Variants in RIMS2 observed in about 807,000 individuals in gnomAD.
The protein encoded by RIMS2 is regulating synaptic membrane exocytosis 2, also known as regulating synaptic membrane exocytosis protein 2.
In RIMS2, 59 loss-of-function variants were observed where a neutral mutation model predicts 174.4. The observed-to-expected ratio is 0.34, with a 90% CI of 0.27 to 0.42. The LOEUF (loss-of-function observed/expected upper bound fraction) is 0.42. Among genes scored for constraint, RIMS2 ranks in the 10% least tolerant of loss-of-function variants. The pLI, the probability that RIMS2 is intolerant of heterozygous loss-of-function variation, is 1.00. For synonymous variants in RIMS2, 606 were observed against 572.5 expected (o/e 1.06, Z -0.84); for missense variants, 1,620 against 1,666.3 (o/e 0.97, Z 0.48).
chr8:103,642,486 CTTA>C (rs1171890200), intron 1 of RIMS2, among the ~76,000 whole-genome samples: 1 of 151,918 alleles, frequency 6.6e-6, no homozygotes, highest in African/African-American at 2.4e-5. Flanking sequence ...TTATTTTATC[CTTA>C]TTTTTTCCTT....
At chr8:103,506,482 C>T (rs1360781511) in intron 1 of RIMS2, among the ~76,000 whole-genome samples, 1 of 152,002 alleles carries the variant, frequency 6.6e-6, no homozygotes, top group Non-Finnish European at 1.5e-5. Context: ...TGAGTAATAA[C>T]ACCTATTTTG....
chr8:104,157,023 T>G (rs978835762), intron 19 of RIMS2, among the ~76,000 whole-genome samples: 8 of 152,340 alleles, frequency 5.3e-5, no homozygotes, highest in Non-Finnish European at 8.8e-5. Flanking sequence ...TAATGTAGGA[T>G]TCTAACAATG....
intron 1 of RIMS2, among the ~76,000 whole-genome samples, chr8:103,636,307 T>C (rs1359049459): frequency 6.6e-6 from 1 of 152,170 alleles, no homozygotes; most frequent in African/African-American, 2.4e-5. Context: ...CCTCCCAGTT[T>C]GCTGGAACTG....
At chr8:104,255,688 T>C (rs2099366652), downstream of RIMS2, 2 of 152,208 alleles carry the variant, frequency 1.3e-5, no homozygotes, top group African/African-American at 4.8e-5. Flanking sequence ...AACCTTGACA[T>C]TCTGTGCACG....
chr8:103,847,271 A>G (rs1221315236), intron 3 of RIMS2, among the ~76,000 whole-genome samples: 1 of 152,046 alleles, frequency 6.6e-6, no homozygotes, highest in African/African-American at 2.4e-5. Flanking sequence ...TGTGAATTCT[A>G]CGTATCGGGG....
At chr8:104,226,571 G>A (rs2099189315) in intron 19 of RIMS2, among the ~76,000 whole-genome samples, 1 of 152,292 alleles carries the variant, frequency 6.6e-6, no homozygotes, top group East Asian at 1.9e-4. Context: ...TCAGCCTAAC[G>A]GAGATAAGTA....
chr8:103,721,209 A>G (rs2097443238), intron 2 of RIMS2, among the ~76,000 whole-genome samples: 1 of 152,086 alleles, frequency 6.6e-6, no homozygotes, highest in African/African-American at 2.4e-5. Context: ...AGCCATGTTT[A>G]TATGTTTTCT....
At chr8:103,532,786 A>G (rs1426736335) in intron 1 of RIMS2, among the ~76,000 whole-genome samples, 1 of 152,260 alleles carries the variant, frequency 6.6e-6, no homozygotes, top group African/African-American at 2.4e-5. Context: ...TAGCTGTACT[A>G]TGACATTTAG....
intron 4 of RIMS2, among the ~76,000 whole-genome samples, chr8:103,892,797 A>T (rs2154521946): frequency 1.3e-5 from 2 of 152,156 alleles, no homozygotes; most frequent in Admixed American, 1.3e-4. Context: ...GCCATGAGCC[A>T]CTGCACCTGG....
chr8:103,630,226 C>G (rs1275073275), intron 1 of RIMS2, among the ~76,000 whole-genome samples: 2 of 150,340 alleles, frequency 1.3e-5, no homozygotes, highest in Non-Finnish European at 3.0e-5. Context: ...ACTAGAAGAA[C>G]AATAGCAGAT....
intron 19 of RIMS2, among the ~76,000 whole-genome samples, chr8:104,190,973 G>A (rs1273512718): frequency 6.7e-6 from 1 of 148,632 alleles, no homozygotes; most frequent in Non-Finnish European, 1.5e-5. Flanking sequence ...TTCTTCTGAT[G>A]TGGGAAGCAG....
At chr8:104,084,471 T>C (rs1440335258) in intron 19 of RIMS2, among the ~76,000 whole-genome samples, 2 of 146,782 alleles carry the variant, frequency 1.4e-5, no homozygotes, top group East Asian at 4.1e-4. Flanking sequence ...AGTAGAATAG[T>C]TTCAAGAATG....
At chr8:104,147,841 C>A (rs2879855) in intron 19 of RIMS2, among the ~76,000 whole-genome samples, 40,583 of 152,076 alleles carry the variant, frequency 0.27, 5,534 homozygotes, top group Non-Finnish European at 0.3. Flanking sequence ...TCTTTAATTA[C>A]TCCCAGTTGC....
In RIMS2 at chr8:103,819,492, A is replaced by C. The variant is rs773910505; in HGVS notation, c.698+52955A>C. On this transcript the variant is annotated intron_variant, in intron 3 of 23. Coordinates refer to ENST00000504942, the Ensembl canonical transcript of RIMS2. ...GGTAGGGAAAAATAAGAGAAGGGGA[A>C]AAAAAAAGAAAGAAAATGCAATTTG... 5.6e-6 allele frequency: 9 copies of C among 1,611,116 alleles called. No homozygotes were observed. In the South Asian group the frequency reaches 9.9e-5, roughly 18 times the overall value.
At chr8:104,088,256 C>CTAT (rs1320650059) in intron 19 of RIMS2, among the ~76,000 whole-genome samples, 1 of 152,010 alleles carries the variant, frequency 6.6e-6, no homozygotes, top group Non-Finnish European at 1.5e-5. Flanking sequence ...AGAGCAACAA[C>CTAT]TATTTTCTTT....
At chr8:103,696,556 G>T (rs967095377) in intron 1 of RIMS2, among the ~76,000 whole-genome samples, 1 of 151,880 alleles carries the variant, frequency 6.6e-6, no homozygotes, top group African/African-American at 2.4e-5. Context: ...ATATTAATTG[G>T]TTATTTAATA....
intron 1 of RIMS2, among the ~76,000 whole-genome samples, chr8:103,660,787 A>G (rs1270374748): frequency 6.6e-6 from 1 of 152,220 alleles, no homozygotes; most frequent in African/African-American, 2.4e-5. Flanking sequence ...GGATAAGTAA[A>G]TAAACTTTTA....
intron 2 of RIMS2, among the ~76,000 whole-genome samples, chr8:103,728,795 A>G (rs2097557426): frequency 8.8e-6 from 1 of 113,706 alleles, no homozygotes; most frequent in African/African-American, 3.4e-5. Flanking sequence ...GGAATGGTGA[A>G]TTTTCTCATT....
At chr8:104,240,216 C>A (rs1166202583) in intron 19 of RIMS2, among the ~76,000 whole-genome samples, 3 of 152,168 alleles carry the variant, frequency 2.0e-5, no homozygotes, top group Non-Finnish European at 2.9e-5. Context: ...TGATTAGTAT[C>A]CTTAATTACA....
Sources: allele counts gnomAD v4.1 joint callset (sites outside exome capture counted in the v4.1 genomes callset), GRCh38; gene constraint gnomAD v4.1.1; transcripts MANE v1.5; gene names NCBI Gene and HGNC (gene_info 2026-07-23, HGNC 2026-07-21).